The following AFDN variants were observed in gnomAD, a reference collection of about 807,000 sequenced individuals.
The protein encoded by AFDN is afadin.
Under a neutral mutation model 216.6 loss-of-function variants are expected in AFDN, and 68 were observed. The ratio of observed to expected loss-of-function variants is 0.31; its 90% CI spans 0.26 to 0.38. The LOEUF (loss-of-function observed/expected upper bound fraction) is 0.38, where lower values mean the gene tolerates loss of function less well. Ranked by LOEUF, AFDN falls within the 10% of genes least tolerant of loss-of-function variation. AFDN has a pLI of 1.00. For synonymous variants in AFDN, 868 were observed against 853.7 expected (o/e 1.02, Z -0.29); for missense variants, 2,136 against 2,342.0 (o/e 0.91, Z 1.82).
intron 8 of AFDN, 92 bp from the exon 9 acceptor site, chr6:167,893,770 C>G (rs1787896785): frequency 2.1e-6 from 2 of 962,542 alleles, no homozygotes; most frequent in Non-Finnish European, 3.3e-6. Context: ...CTCTGCGTCT[C>G]TTCTCCTCCT....
chr6:167,904,681 C>T (rs1789428679), intron 12 of AFDN, among the ~76,000 whole-genome samples: 1 of 152,168 alleles, frequency 6.6e-6, no homozygotes. Flanking sequence ...CCAATAGAAA[C>T]CTCTTCCCCG....
intron 6 of AFDN, among the ~76,000 whole-genome samples, chr6:167,881,799 A>G (rs755217044): frequency 1.3e-5 from 2 of 152,208 alleles, no homozygotes; most frequent in Non-Finnish European, 2.9e-5. Flanking sequence ...GAAGTGAAAG[A>G]CTGTACCCAG....
At chr6:167,941,744 T>C (rs1284004610) in intron 23 of AFDN, among the ~76,000 whole-genome samples, 2 of 73,224 alleles carry the variant, frequency 2.7e-5, no homozygotes, top group African/African-American at 1.2e-4. Flanking sequence ...ACAGGAGAGA[T>C]GTGTGGATAG....
intron 13 of AFDN, 90 bp from the exon 14 acceptor site, chr6:167,911,011 A>C (rs983636192): frequency 3.3e-5 from 34 of 1,043,154 alleles, no homozygotes; most frequent in Non-Finnish European, 4.7e-5. Flanking sequence ...ATATAGATTT[A>C]AAAAGTAGTT....
chr6:167,865,026 T>C (rs2128229504), intron 2 of AFDN: 3 of 520,248 alleles, frequency 5.8e-6, no homozygotes, highest in South Asian at 3.8e-5. Flanking sequence ...TTATCCAACA[T>C]ATCTGGGTGT....
At chr6:167,932,027 G>A (rs1394303644) in intron 23 of AFDN, among the ~76,000 whole-genome samples, 1 of 152,186 alleles carries the variant, frequency 6.6e-6, no homozygotes, top group Non-Finnish European at 1.5e-5. Context: ...GCTGTGTCAG[G>A]CATGTTGAGC....
chr6:167,942,187 C>A (rs1794772838), intron 23 of AFDN, among the ~76,000 whole-genome samples: 1 of 152,120 alleles, frequency 6.6e-6, no homozygotes, highest in South Asian at 2.1e-4. Flanking sequence ...CTAAAGGGGA[C>A]AAATGCGAGT....
At chr6:167,912,068 T>C (rs1790473329) in intron 15 of AFDN, 1 of 155,058 alleles carries the variant, frequency 6.4e-6, no homozygotes, top group African/African-American at 2.4e-5. Context: ...CATGTGTAGG[T>C]GTAATGGACA....
rs765527471 is a variant in AFDN, at chr6:167,902,398, T to C, written c.1650+12T>C. 9 of 1,588,548 alleles carry C rather than the reference T, an allele frequency of 5.7e-6. No homozygotes were observed. In the East Asian group the frequency reaches 1.8e-4, roughly 32 times the overall value. On this transcript the variant is annotated intron_variant, in intron 12 of 33. Coordinates refer to ENST00000683244, the MANE Select transcript of AFDN (RefSeq NM_001386888.1). ...TACCGACAAGCAAGGTAGGTAATTA[T>C]GGATTACCTGATAGAAGTGTGCTTG...
chr6:167,947,349 T>A (rs968991550), intron 27 of AFDN, among the ~76,000 whole-genome samples: 3 of 152,026 alleles, frequency 2.0e-5, no homozygotes, highest in African/African-American at 7.3e-5. Flanking sequence ...CCGGCTAATT[T>A]TTTGTATTTT....
intron 16 of AFDN, chr6:167,913,789 T>A (rs1790705417): frequency 2.5e-6 from 1 of 396,128 alleles, no homozygotes; most frequent in Admixed American, 4.2e-5. Flanking sequence ...AGCCAGTGAC[T>A]ACAAGTATCA....
chr6:167,896,357 C>T (rs1233161649), intron 9 of AFDN, among the ~76,000 whole-genome samples: 8 of 152,122 alleles, frequency 5.3e-5, no homozygotes, highest in African/African-American at 1.9e-4. Context: ...TCAGAGGACA[C>T]ATGCTTAGGC....
intron 11 of AFDN, 69 bp downstream of exon 11, chr6:167,898,536 T>TA: frequency 1.4e-6 from 2 of 1,416,658 alleles, no homozygotes; most frequent in Non-Finnish European, 1.9e-6. Flanking sequence ...TATTCATAGA[T>TA]ATCTTGGCTT....
At chr6:167,963,524 T>C in intron 31 of AFDN, 1 of 1,055,912 alleles carries the variant, frequency 9.5e-7, no homozygotes, top group Non-Finnish European at 1.1e-6. Flanking sequence ...TTTGTAGTGA[T>C]ATGCTCTATT....
In AFDN at chr6:167,951,280, G is replaced by A. The variant is rs1197462456; in HGVS notation, c.3926G>A (p.Ser1309Asn). The stretch of plus-strand genomic sequence containing the variant: ...GCAGCTATGGACCGAAAGTCTGATA[G>A]TGATATGTGGATAAATCAGAGCTCC... ...IEAAMDRKSD[S>N]DMWINQSSSL... The change falls in exon 30 of 34, where the codon AGT becomes AAT. Residue 1309 changes from serine to asparagine, a missense_variant. By Grantham distance (46) the Ser-to-Asn change is conservative. This residue lies in a region of AFDN where 981 missense variants were observed against 966.0 expected (regional missense o/e 1.02). Coordinates refer to ENST00000683244, the MANE Select transcript of AFDN (RefSeq NM_001386888.1). This position sits in a 1 kb window ranked among gnomAD's most constrained non-coding sequence, Gnocchi z 7.1. 4 of 1,614,006 alleles carry A rather than the reference G, an allele frequency of 2.5e-6. No individual in the cohort carries two copies. Among genetic ancestry groups the A allele is most frequent in the East Asian group, 4.5e-5 (2 of 44,896 alleles).
Position 167,894,045 on chromosome 6 carries a change from C to G in AFDN, c.1222+139C>G, listed in dbSNP as rs1383418027. 5 of 662,402 alleles carry G rather than the reference C, an allele frequency of 7.5e-6. No homozygotes were observed. The East Asian group carries it at 1.1e-4, about 15-fold the overall frequency. The allele number at this position is 662,402 out of a possible 1,614,324, so 41.0% of individuals were successfully genotyped here. ...AACCTATTTTAAGAAATTTAATGTA[C>G]TGTCATTTTATTTGTACCTAGTAAG... On this transcript the variant is annotated intron_variant, in intron 9 of 33. Coordinates refer to ENST00000683244, the MANE Select transcript of AFDN (RefSeq NM_001386888.1).
chr6:167,915,075 C>T, intron 18 of AFDN, 93 bp from the exon 19 acceptor site: 1 of 1,332,452 alleles, frequency 7.5e-7, no homozygotes, highest in Non-Finnish European at 1.0e-6. Flanking sequence ...GCACTTACTA[C>T]CATAGGTACC....
At chr6:167,839,793 G>A (rs1214613593) in intron 1 of AFDN, among the ~76,000 whole-genome samples, 1 of 152,154 alleles carries the variant, frequency 6.6e-6, no homozygotes, top group Non-Finnish European at 1.5e-5. Context: ...AGATAAATTG[G>A]GGAAAAATGG....
intron 30 of AFDN, among the ~76,000 whole-genome samples, chr6:167,957,539 A>G (rs1438774443): frequency 2.0e-5 from 3 of 152,168 alleles, no homozygotes; most frequent in Admixed American, 1.3e-4. Flanking sequence ...TGTTCAAACC[A>G]AAGTCTGACT....
Sources: allele counts gnomAD v4.1 joint callset (sites outside exome capture counted in the v4.1 genomes callset), GRCh38; gene constraint gnomAD v4.1.1; regional missense constraint gnomAD v4.1.1; non-coding constraint Gnocchi (gnomAD v3.1); transcripts MANE v1.5; gene names NCBI Gene and HGNC (gene_info 2026-07-23, HGNC 2026-07-21).